Variants in SYNE2 observed in about 807,000 individuals in gnomAD.
SYNE2 encodes spectrin repeat containing nuclear envelope protein 2, also known as nesprin-2.
Under a neutral mutation model 856.3 loss-of-function variants are expected in SYNE2, and 431 were observed. The observed-to-expected ratio is 0.50, with a 90% CI of 0.47 to 0.55. SYNE2 has a LOEUF of 0.55. Among genes scored for constraint, SYNE2 ranks in the 20% least tolerant of loss-of-function variants. SYNE2 has a pLI of 0.00. For missense variants in SYNE2, 8,129 were observed against 8,023.2 expected (o/e 1.01, Z -0.50); for synonymous variants, 2,923 against 2,872.3 (o/e 1.02, Z -0.56).
chr14:63,911,357 A>C (rs1291491176), intron 2 of SYNE2, among the ~76,000 whole-genome samples: 2 of 152,168 alleles, frequency 1.3e-5, no homozygotes, highest in Admixed American at 1.3e-4. Context: ...GTTCTCCCGT[A>C]GTATCTCTTT....
At chr14:64,080,771 G>A (rs906853103) in intron 56 of SYNE2, 133 bp downstream of exon 56, 1 of 1,079,650 alleles carries the variant, frequency 9.3e-7, no homozygotes, top group Non-Finnish European at 1.4e-6. Flanking sequence ...GGCCATGGTA[G>A]GCTTGTGTGG....
At chr14:63,952,977 C>G (rs1409321183) in intron 7 of SYNE2, among the ~76,000 whole-genome samples, 1 of 152,146 alleles carries the variant, frequency 6.6e-6, no homozygotes, top group Non-Finnish European at 1.5e-5. Context: ...AAGACTTTCC[C>G]TGATCCCTTA....
At chr14:64,223,849 ACT>A (rs2098705835) in intron 113 of SYNE2, among the ~76,000 whole-genome samples, 1 of 151,730 alleles carries the variant, frequency 6.6e-6, no homozygotes, top group Admixed American at 6.6e-5. Context: ...CCAAAACTAG[ACT>A]CTCTTGATGG....
At position 63,978,915 on chromosome 14, in the gene SYNE2, A is replaced by C; in HGVS notation, c.1470A>C (p.Leu490Phe). 6.2e-7 allele frequency: 1 copy of C among 1,612,852 alleles called. No individual in the cohort carries two copies. The highest frequency in any genetic ancestry group is 8.5e-7 in the Non-Finnish European group (1 of 1,178,952). The change falls in exon 14 of 116, where the codon TTA (leucine) becomes TTC (phenylalanine). Residue 490 changes from leucine to phenylalanine, a missense_variant. By Grantham distance (22) the Leu-to-Phe change is conservative. Around this residue, in one of 3 missense-constraint regions of SYNE2, gnomAD observed 2,422 missense variants for 2,357.4 expected, o/e 1.03. Transcript: ENST00000555002. ...TAGAATTTCATTACTACAAGTGCTT[A>C]GTTCTTGGTTTGGTAGATGAAGTGA... ...LLLEFHYYKCLVLGLVDEVKS... is the reference protein window; with the variant it reads ...LLLEFHYYKCFVLGLVDEVKS...
rs763162931 is a variant in SYNE2 at position 63,998,963 on chromosome 14, T to C, written c.3403T>C (p.Phe1135Leu). The C allele has an allele frequency of 1.9e-6, 3 of 1,614,008 alleles. No homozygotes were observed. In the South Asian group the frequency reaches 3.3e-5, roughly 18 times the overall value. ...ILEHHLQNNKFRITSDFSSEE... is the reference protein window; with the variant it reads ...ILEHHLQNNKLRITSDFSSEE... ...TGAACACCACCTGCAAAACAACAAATTCAGGATTACTTCTGATTTCTCTAG... is the reference window on the plus strand; with the variant it reads ...TGAACACCACCTGCAAAACAACAAACTCAGGATTACTTCTGATTTCTCTAG... The change falls in exon 27 of 116, where the codon TTC becomes CTC. Residue 1135 changes from phenylalanine to leucine, a missense_variant. Phe to Leu is a conservative substitution (Grantham distance 22). This residue lies in a region of SYNE2 where 2,422 missense variants were observed against 2,357.4 expected (regional missense o/e 1.03). Transcript: ENST00000555002.
Position 64,007,958 on chromosome 14 carries a change from C to T in SYNE2, c.4577+736C>T, listed in dbSNP as rs1000696067. Among the ~76,000 whole-genome samples the T allele has an allele frequency of 2.6e-5, 4 of 152,036 alleles. No individual in the cohort carries two copies. The East Asian group carries it at 5.8e-4, about 22-fold the overall frequency. On this transcript the variant is annotated intron_variant, in intron 31 of 115. Coordinates refer to ENST00000555002, the MANE Select transcript of SYNE2 (RefSeq NM_182914.3). ...CTGGGAGGTTGAGGTTTCAGTGAAC[C>T]GAGATAGCACCACCGTACTTCAGAG... is the stretch of plus-strand genomic sequence containing the variant.
At chr14:63,790,940 G>T (rs1197931026) in intron 1 of SYNE2, among the ~76,000 whole-genome samples, 1 of 151,796 alleles carries the variant, frequency 6.6e-6, no homozygotes, top group Non-Finnish European at 1.5e-5. Flanking sequence ...TGATTCCTAT[G>T]TCTGAAGATT....
At chr14:63,953,535 GAGAGAGAGAGATAGAT>G (rs1302569794) in intron 7 of SYNE2, among the ~76,000 whole-genome samples, 4 of 26,420 alleles carry the variant, frequency 1.5e-4, no homozygotes, top group African/African-American at 2.1e-4. Flanking sequence ...GATAGATAGA[GAGAGAGAGAGATAGAT>G]AGATAGATAG....
chr14:63,846,043 CTTTT>C (rs556866404), intron 1 of SYNE2, among the ~76,000 whole-genome samples: 1 of 132,506 alleles, frequency 7.5e-6, no homozygotes, highest in Non-Finnish European at 1.6e-5. Flanking sequence ...CGTACCTGCC[CTTTT>C]TTTTTTTTTT....
In SYNE2 at chr14:64,020,063, C is replaced by T. The variant is rs199819734; in HGVS notation, c.5121C>T (p.Leu1707=). The T allele has an allele frequency of 2.8e-5, 45 of 1,613,672 alleles. No homozygotes were observed. The highest frequency in any genetic ancestry group is 3.6e-5 in the Non-Finnish European group (43 of 1,179,784). Residue 1707 remains leucine, a synonymous_variant, in exon 35 of 116, where the codon CTC becomes CTT. Transcript: ENST00000555002. Reference sequence around the variant, plus strand: ...GAGTGGCTGAAATACAGTTTTTGCTCCAAAGCAGTGAAATACCTCTTGAAT... The same window carrying T: ...GAGTGGCTGAAATACAGTTTTTGCTTCAAAGCAGTGAAATACCTCTTGAAT... ...SRRVAEIQFL[L]QSSEIPLELQ... is the part of the protein sequence containing the mutation.
intron 1 of SYNE2, among the ~76,000 whole-genome samples, chr14:63,820,305 A>C (rs556224912): frequency 2.6e-5 from 4 of 152,346 alleles, no homozygotes; most frequent in South Asian, 4.1e-4. Flanking sequence ...GGTCAAGTAC[A>C]AGTCAGTGTC....
intron 109 of SYNE2, 43 bp from the exon 110 acceptor site, chr14:64,219,165 G>C (rs1019136918): frequency 3.8e-6 from 4 of 1,040,162 alleles, no homozygotes; most frequent in Non-Finnish European, 5.5e-6. Context: ...AGAGAAATCT[G>C]TTGCATTATT....
chr14:63,948,146 TACAC>T (rs955649466), intron 6 of SYNE2, among the ~76,000 whole-genome samples: 19 of 119,738 alleles, frequency 1.6e-4, no homozygotes, highest in African/African-American at 5.1e-4. Flanking sequence ...TGCGCGCACA[TACAC>T]ACACAGACAC....
chr14:64,133,412 G>C (rs1289967870), intron 77 of SYNE2, among the ~76,000 whole-genome samples: 1 of 152,152 alleles, frequency 6.6e-6, no homozygotes, highest in Non-Finnish European at 1.5e-5. Flanking sequence ...ATGGAAAAGA[G>C]TGAGGTGGTT....
chr14:64,093,922 C>T (rs2153630756), intron 61 of SYNE2, among the ~76,000 whole-genome samples: 1 of 152,298 alleles, frequency 6.6e-6, no homozygotes, highest in Admixed American at 6.5e-5. Context: ...GGGATAGAGT[C>T]AGGCAGTGTA....
Position 64,029,891 on chromosome 14 carries a change from T to G in SYNE2, c.6715-4T>G. 1.2e-6 allele frequency: 2 copies of G among 1,613,142 alleles called. No homozygotes were observed. The highest frequency in any genetic ancestry group is 1.3e-5 in the African/African-American group (1 of 75,046). The stretch of plus-strand genomic sequence containing the variant: ...TTGTAAATTGTCTGTGGCTTTATTT[T>G]TAGGATTCTGTGCAAAACTTGGACG... On this transcript the variant is annotated splice_polypyrimidine_tract_variant and splice_region_variant and intron_variant, in intron 43 of 115. Transcript: ENST00000555002.
intron 1 of SYNE2, among the ~76,000 whole-genome samples, chr14:63,767,964 T>C (rs1271787335): frequency 1.3e-5 from 2 of 151,986 alleles, no homozygotes; most frequent in Non-Finnish European, 2.9e-5. Context: ...GAAGTCAAGG[T>C]GGGCAGATTG....
At chr14:63,961,387 A>T in intron 8 of SYNE2, 138 bp from the exon 9 acceptor site, 2 of 720,122 alleles carry the variant, frequency 2.8e-6, no homozygotes, top group South Asian at 3.0e-5. Flanking sequence ...GTAAACAGAG[A>T]TTGGATGGCT....
rs1162567113 is a variant in SYNE2, at chr14:64,021,443, G to A, written c.5280G>A (p.Gln1760=). The part of the protein sequence containing the change: ...LREDLDQAKT[Q]IGMTESLLKA... ...AGGATCTCGACCAAGCCAAGACCCA[G>A]ATCGGGATGACTGAATCCCTCTTAA... Residue 1760 remains glutamine, a synonymous_variant, in exon 36 of 116, where the codon CAG becomes CAA. Coordinates refer to ENST00000555002, the MANE Select transcript of SYNE2 (RefSeq NM_182914.3). 6.2e-7 allele frequency: 1 copy of A among 1,614,038 alleles called. No individual in the cohort carries two copies. The highest frequency in any genetic ancestry group is 1.7e-5 in the Admixed American group (1 of 59,998).
Sources: gnomAD v4.1 joint callset for allele counts (sites outside exome capture counted in the v4.1 genomes callset) on GRCh38, gnomAD v4.1.1 for gene constraint, gnomAD v4.1.1 regional missense constraint, MANE v1.5 for transcripts, NCBI Gene and HGNC (gene_info 2026-07-23, HGNC 2026-07-21) for gene names.